The following RNF180 variants were observed in gnomAD, a reference collection of about 807,000 sequenced individuals.
RNF180 encodes the protein E3 ubiquitin-protein ligase RNF180.
In RNF180, 38 loss-of-function variants were observed where a neutral mutation model predicts 59.2. That is an observed-to-expected ratio of 0.64 (90% CI 0.50 to 0.84). RNF180 has a LOEUF of 0.84. Ranked by LOEUF, RNF180 falls within the 40% of genes least tolerant of loss-of-function variation. The pLI is 0.00. For synonymous variants in RNF180, 262 were observed against 240.3 expected, an observed-to-expected ratio of 1.09 and a Z score of -0.84; for missense variants, 705 against 700.9, an observed-to-expected ratio of 1.01 and a Z score of -0.07.
chr5:64,264,054 A>C (rs536440478), intron 5 of RNF180, among the ~76,000 whole-genome samples: 2 of 152,198 alleles, frequency 1.3e-5, no homozygotes, highest in African/African-American at 4.8e-5. Flanking sequence ...ATAGTAGTCT[A>C]ACTTTCCTCA....
intron 5 of RNF180, among the ~76,000 whole-genome samples, chr5:64,222,868 A>G (rs1185872302): frequency 6.6e-6 from 1 of 152,218 alleles, no homozygotes; most frequent in Non-Finnish European, 1.5e-5. Flanking sequence ...ATAAAATGCC[A>G]TTCTTTATTA....
upstream of RNF180, chr5:64,165,730 T>C (rs1749588369): frequency 6.6e-6 from 1 of 152,318 alleles, no homozygotes; most frequent in Admixed American, 6.6e-5. Flanking sequence ...GCAGGGCCGC[T>C]GGCTGTGGCG....
At chr5:64,252,384 A>G (rs534285348) in intron 5 of RNF180, among the ~76,000 whole-genome samples, 5 of 152,338 alleles carry the variant, frequency 3.3e-5, no homozygotes, top group African/African-American at 9.6e-5. Context: ...CATGGTGGCC[A>G]TAGTTAATAA....
intron 7 of RNF180, among the ~76,000 whole-genome samples, chr5:64,366,016 T>C (rs1275096698): frequency 2.6e-5 from 4 of 151,550 alleles, no homozygotes; most frequent in African/African-American, 9.7e-5. Context: ...CCTGTTATGT[T>C]GTTAGTTGTT....
chr5:64,217,972 A>G (rs953560065), intron 5 of RNF180, among the ~76,000 whole-genome samples: 2 of 152,046 alleles, frequency 1.3e-5, no homozygotes, highest in Non-Finnish European at 2.9e-5. Flanking sequence ...TCACTTTTTA[A>G]TTGGGTTATT....
At chr5:64,245,625 T>C (rs10070911) in intron 5 of RNF180, among the ~76,000 whole-genome samples, 8,952 of 152,178 alleles carry the variant, frequency 0.059, 345 homozygotes, top group African/African-American at 0.098. Context: ...AGCAAGTTCT[T>C]AGAGACCTAC....
At chr5:64,256,452 A>G (rs1431880250) in intron 5 of RNF180, among the ~76,000 whole-genome samples, 2 of 152,212 alleles carry the variant, frequency 1.3e-5, no homozygotes, top group Non-Finnish European at 1.5e-5. Flanking sequence ...CATTTATTAA[A>G]TAGGGAATCC....
At chr5:64,264,167 C>G (rs1239701629) in intron 5 of RNF180, among the ~76,000 whole-genome samples, 2 of 152,130 alleles carry the variant, frequency 1.3e-5, no homozygotes, top group Non-Finnish European at 2.9e-5. Flanking sequence ...ATCCAATATA[C>G]ATGTTCTTTG....
chr5:64,266,649 G>A (rs1254237055), intron 5 of RNF180, among the ~76,000 whole-genome samples: 2 of 152,070 alleles, frequency 1.3e-5, no homozygotes, highest in African/African-American at 4.8e-5. Flanking sequence ...TATGCTACAA[G>A]TTTAACTGCT....
chr5:64,336,178 G>T (rs1231862678), intron 7 of RNF180, among the ~76,000 whole-genome samples: 9 of 152,056 alleles, frequency 5.9e-5, no homozygotes, highest in Admixed American at 5.9e-4. Context: ...ATTATATTGG[G>T]TTTACTTAAT....
At chr5:64,208,835 A>T (rs1346221262) in intron 2 of RNF180, among the ~76,000 whole-genome samples, 1 of 151,896 alleles carries the variant, frequency 6.6e-6, no homozygotes, top group African/African-American at 2.4e-5. Flanking sequence ...AAAAGAAAAA[A>T]ATATATGCTG....
At chr5:64,171,252 A>G (rs950057641) in intron 1 of RNF180, among the ~76,000 whole-genome samples, 5 of 152,232 alleles carry the variant, frequency 3.3e-5, no homozygotes, top group African/African-American at 1.2e-4. Context: ...CGACAATGAT[A>G]ATGCTAGACT....
chr5:64,241,371 T>G (rs1049685989), intron 5 of RNF180, among the ~76,000 whole-genome samples: 1 of 151,370 alleles, frequency 6.6e-6, no homozygotes, highest in Non-Finnish European at 1.5e-5. Flanking sequence ...CTTTCTCTTA[T>G]GTACAAAAGG....
chr5:64,219,686 T>A (rs1479634946), intron 5 of RNF180, among the ~76,000 whole-genome samples: 2 of 151,834 alleles, frequency 1.3e-5, no homozygotes, highest in East Asian at 1.9e-4. Flanking sequence ...GCTAATTTTT[T>A]TTTTTTGTAT....
At chr5:64,194,584 A>G (rs1751357736) in intron 1 of RNF180, among the ~76,000 whole-genome samples, 1 of 152,206 alleles carries the variant, frequency 6.6e-6, no homozygotes. Flanking sequence ...CGCCATACTG[A>G]CTTCCACAAT....
intron 7 of RNF180, among the ~76,000 whole-genome samples, chr5:64,357,720 T>C (rs1378109272): frequency 6.6e-6 from 1 of 151,820 alleles, no homozygotes; most frequent in African/African-American, 2.4e-5. Context: ...AGATAGTTTT[T>C]CTATCTCTGA....
intron 2 of RNF180, among the ~76,000 whole-genome samples, chr5:64,211,334 C>T (rs1752299929): frequency 6.6e-6 from 1 of 152,116 alleles, no homozygotes; most frequent in Admixed American, 6.5e-5. Context: ...AGACAGCAAG[C>T]AGACCTGGGG....
In RNF180 at chr5:64,200,623, G is replaced by A. The variant is rs376855210; in HGVS notation, c.1-185G>A. ...ATAATGTATCATCATAATTAATTGG[G>A]ATTTTCAATCTCAGATGTAATGTAT... is the stretch of plus-strand genomic sequence containing the variant. On this transcript the variant is annotated intron_variant, in intron 1 of 7. Transcript: ENST00000389100. 6.6e-4 allele frequency among the ~76,000 whole-genome samples: 100 copies of A among 152,260 alleles called. 1 individual carries two copies. In the South Asian group the frequency reaches 0.02, roughly 31 times the overall value.
At chr5:64,267,579 A>G (rs1000145933) in intron 5 of RNF180, among the ~76,000 whole-genome samples, 2 of 148,048 alleles carry the variant, frequency 1.4e-5, no homozygotes, top group African/African-American at 5.0e-5. Flanking sequence ...TTCAATTCCC[A>G]CCTATGAGTG....
Sources: gnomAD v4.1 joint callset for allele counts (sites outside exome capture counted in the v4.1 genomes callset) on GRCh38, gnomAD v4.1.1 for gene constraint, MANE v1.5 for transcripts, NCBI Gene and HGNC (gene_info 2026-07-23, HGNC 2026-07-21) for gene names.